The following SHROOM3 variants were observed in gnomAD, a reference collection of about 807,000 sequenced individuals.
SHROOM3 encodes the protein protein Shroom3.
A neutral mutation model predicts 138.6 loss-of-function variants in SHROOM3; 47 were observed. The observed-to-expected ratio is 0.34, with a 90% CI of 0.27 to 0.43. The LOEUF (loss-of-function observed/expected upper bound fraction) is 0.43, where lower values mean the gene tolerates loss of function less well. SHROOM3 is among the 20% of genes least tolerant of loss of function. The pLI, the probability that SHROOM3 is intolerant of heterozygous loss-of-function variation, is 1.00. For synonymous variants in SHROOM3, 1,062 were observed against 1,063.3 expected, an observed-to-expected ratio of 1.00 and a Z score of 0.02; for missense variants, 2,491 against 2,596.5, an observed-to-expected ratio of 0.96 and a Z score of 0.88.
Position 76,735,868 on chromosome 4 carries a change from AATATATATATAT to A in SHROOM3, c.588-2868_588-2857del, listed in dbSNP as rs758812304. On this transcript the variant is annotated intron_variant, in intron 4 of 10. Coordinates refer to ENST00000296043, the MANE Select transcript of SHROOM3 (RefSeq NM_020859.4). ...AAAAAAAAAAAAAAAAAAAAAAAAA[AATATATATATAT>A]ATATATATATATATATATATATATT... 8.3e-3 allele frequency among the ~76,000 whole-genome samples: 156 copies of A among 18,776 alleles called. 2 individuals are homozygous for A. Among genetic ancestry groups the A allele is most frequent in the South Asian group, 0.015 (5 of 338 alleles). The allele number at this position is 18,776 out of a possible 152,430, so 12.3% of individuals were successfully genotyped here.
At chr4:76,685,091 A>G (rs1719298630) in intron 2 of SHROOM3, among the ~76,000 whole-genome samples, 1 of 152,230 alleles carries the variant, frequency 6.6e-6, no homozygotes, top group Non-Finnish European at 1.5e-5. Flanking sequence ...AAAGCAGCAC[A>G]TCATTCGTTC....
intron 2 of SHROOM3, among the ~76,000 whole-genome samples, chr4:76,670,468 G>C (rs1445860085): frequency 6.6e-6 from 1 of 152,036 alleles, no homozygotes; most frequent in Non-Finnish European, 1.5e-5. Flanking sequence ...GGGAATTTTG[G>C]GGGTGATGAA....
At chr4:76,649,804 C>A (rs1230742282) in intron 2 of SHROOM3, among the ~76,000 whole-genome samples, 1 of 152,150 alleles carries the variant, frequency 6.6e-6, no homozygotes, top group Non-Finnish European at 1.5e-5. Flanking sequence ...ATTAGCACAA[C>A]CTTGGTAGGT....
intron 1 of SHROOM3, among the ~76,000 whole-genome samples, chr4:76,548,927 G>A (rs570421446): frequency 1.3e-5 from 2 of 152,158 alleles, no homozygotes; most frequent in East Asian, 1.9e-4. Context: ...GTTGACAGTC[G>A]CATTCTTGGA....
chr4:76,757,115 T>C (rs1721842039), intron 8 of SHROOM3, 178 bp downstream of exon 8: 3 of 840,918 alleles, frequency 3.6e-6, no homozygotes, highest in South Asian at 1.6e-5. Context: ...GGGACAGATA[T>C]GCAACAACAA....
intron 1 of SHROOM3, among the ~76,000 whole-genome samples, chr4:76,525,626 G>A (rs985488416): frequency 6.6e-6 from 1 of 152,120 alleles, no homozygotes; most frequent in African/African-American, 2.4e-5. Context: ...GCAGTTGGAT[G>A]TCTCCTCATG....
intron 9 of SHROOM3, among the ~76,000 whole-genome samples, chr4:76,767,085 A>G (rs1354725471): frequency 6.6e-6 from 1 of 152,134 alleles, no homozygotes; most frequent in African/African-American, 2.4e-5. Flanking sequence ...AAACCAAAAC[A>G]GGGTCTGGGA....
intron 1 of SHROOM3, among the ~76,000 whole-genome samples, chr4:76,544,541 T>C (rs528440376): frequency 1.5e-5 from 2 of 135,110 alleles, no homozygotes; most frequent in African/African-American, 5.3e-5. Context: ...CTCAGCCTCC[T>C]GGCTTTTTTT....
In SHROOM3 at chr4:76,740,229, G is replaced by A. The variant is rs1721200102; in HGVS notation, c.2056G>A (p.Glu686Lys). The part of the protein sequence containing the change: ...SSLELGRGTQ[E>K]GYPGGRPTCA... ...CCTGGAGCTAGGCCGGGGAACCCAGGAGGGTTACCCCGGGGGCAGGCCCAC... is the reference window on the plus strand; with the variant it reads ...CCTGGAGCTAGGCCGGGGAACCCAGAAGGGTTACCCCGGGGGCAGGCCCAC... Residue 686 changes from glutamate to lysine, a missense_variant, in exon 5 of 11, where the codon GAG becomes AAG. Glu to Lys is a moderately conservative substitution (Grantham distance 56). Coordinates refer to ENST00000296043, the MANE Select transcript of SHROOM3 (RefSeq NM_020859.4). This position sits in a 1 kb window ranked among gnomAD's most constrained non-coding sequence, Gnocchi z 4.0. 6.2e-7 allele frequency: 1 copy of A among 1,613,392 alleles called. No homozygotes were observed. The highest frequency in any genetic ancestry group is 1.3e-5 in the African/African-American group (1 of 75,066).
chr4:76,579,327 G>A (rs1734000400), intron 2 of SHROOM3, among the ~76,000 whole-genome samples: 1 of 152,170 alleles, frequency 6.6e-6, no homozygotes, highest in Admixed American at 6.5e-5. Context: ...CATTAGCTGG[G>A]CGTGGTGGCA....
chr4:76,470,382 A>G (rs1157027025), intron 1 of SHROOM3, among the ~76,000 whole-genome samples: 1 of 152,248 alleles, frequency 6.6e-6, no homozygotes, highest in Non-Finnish European at 1.5e-5. Context: ...GGACTTGGAA[A>G]GCAAGCTACT....
chr4:76,439,968 T>C (rs1193448510), intron 1 of SHROOM3, among the ~76,000 whole-genome samples: 4 of 152,346 alleles, frequency 2.6e-5, no homozygotes, highest in Admixed American at 2.6e-4. Context: ...TAAAAAATTG[T>C]CATTGTAAGT....
At chr4:76,770,537 A>G (rs1722326315) in intron 9 of SHROOM3, 89 bp from the exon 10 acceptor site, 1 of 1,501,462 alleles carries the variant, frequency 6.7e-7, no homozygotes, top group South Asian at 1.2e-5. Flanking sequence ...TGAGCCTTGA[A>G]GATGACAGAA....
At chr4:76,650,702 G>A (rs368648247) in intron 2 of SHROOM3, among the ~76,000 whole-genome samples, 5 of 151,922 alleles carry the variant, frequency 3.3e-5, no homozygotes, top group Non-Finnish European at 5.9e-5. Context: ...ATGCCACCAC[G>A]CCCAGCTAAT....
intron 2 of SHROOM3, among the ~76,000 whole-genome samples, chr4:76,656,940 G>A (rs1454254810): frequency 6.6e-6 from 1 of 152,218 alleles, no homozygotes; most frequent in East Asian, 1.9e-4. Flanking sequence ...GGGAGGCTGA[G>A]GTGGGTGGAT....
intron 1 of SHROOM3, among the ~76,000 whole-genome samples, chr4:76,518,462 C>T (rs1028871561): frequency 3.2e-4 from 48 of 151,802 alleles, no homozygotes; most frequent in African/African-American, 1.1e-3. Flanking sequence ...TTTCCCCTCC[C>T]CCCTCCTTCC....
chr4:76,740,849 C>G lies in SHROOM3; in HGVS notation c.2676C>G (p.Phe892Leu). 1 of 1,569,772 alleles carries G rather than the reference C, an allele frequency of 6.4e-7. No homozygotes were observed. Among genetic ancestry groups the G allele is most frequent in the Non-Finnish European group, 8.6e-7 (1 of 1,159,822 alleles). ...GGCTCCTCCGTAGCCAGAGCACCTT[C>G]CAGCTCTCCAGCGAGCCAGAGAGGG... ...DARLLRSQST[F>L]QLSSEPEREP... Residue 892 changes from phenylalanine (F) to leucine (L), a missense_variant, in exon 5 of 11, where the codon TTC becomes TTG. Coordinates refer to ENST00000296043, the MANE Select transcript of SHROOM3 (RefSeq NM_020859.4). This position sits in a 1 kb window ranked among gnomAD's most constrained non-coding sequence, Gnocchi z 4.0.
At chr4:76,689,603 C>G in intron 2 of SHROOM3, 3 of 985,158 alleles carry the variant, frequency 3.0e-6, no homozygotes, top group Non-Finnish European at 3.6e-6. Flanking sequence ...GCCGGCGATG[C>G]CGCGCGCCGC....
intron 2 of SHROOM3, among the ~76,000 whole-genome samples, chr4:76,708,203 A>C (rs1388839505): frequency 6.6e-6 from 1 of 152,026 alleles, no homozygotes; most frequent in African/African-American, 2.4e-5. Context: ...AAAATGCTTA[A>C]ATCGATGGAA....
Sources: allele counts gnomAD v4.1 joint callset (sites outside exome capture counted in the v4.1 genomes callset), GRCh38; gene constraint gnomAD v4.1.1; non-coding constraint Gnocchi (gnomAD v3.1); transcripts MANE v1.5; gene names NCBI Gene and HGNC (gene_info 2026-07-23, HGNC 2026-07-21).